Variants in GPATCH2L observed in about 807,000 individuals in gnomAD.
The protein encoded by GPATCH2L is G-patch domain containing 2 like.
In GPATCH2L, 31 loss-of-function variants were observed where a neutral mutation model predicts 57.4. The observed-to-expected ratio is 0.54, with a 90% CI of 0.41 to 0.73. The LOEUF (loss-of-function observed/expected upper bound fraction) is 0.73. Ranked by LOEUF, GPATCH2L falls within the 30% of genes least tolerant of loss-of-function variation. GPATCH2L has a pLI of 0.00. For missense variants in GPATCH2L, 481 were observed against 599.9 expected, an observed-to-expected ratio of 0.80 and a Z score of 2.07; for synonymous variants, 199 against 210.7, an observed-to-expected ratio of 0.94 and a Z score of 0.48.
At position 76,204,070 on chromosome 14, in the gene GPATCH2L, A is replaced by G. The variant is rs557610915; in HGVS notation, c.*2219A>G. 1 of 152,346 alleles carries G rather than the reference A, an allele frequency of 6.6e-6. No individual in the cohort carries two copies. The highest frequency in any genetic ancestry group is 2.4e-5 in the African/African-American group (1 of 41,582). 9.4% of individuals were successfully genotyped at this position (152,346 alleles called of 1,614,324 possible). ...TCAAACATCTCTACGAAGTCATGCC[A>G]TTTTAAGGAGATGAAAACAGCCACA... On this transcript the variant is annotated 3_prime_UTR_variant, in exon 10 of 10. Coordinates refer to ENST00000261530, the MANE Select transcript of GPATCH2L (RefSeq NM_017926.4).
chr14:76,152,939 C>T (rs1486715082), intron 1 of GPATCH2L: 6 of 315,322 alleles, frequency 1.9e-5, no homozygotes, highest in Non-Finnish European at 3.7e-5. Context: ...TTTTAATCCA[C>T]TTTTTTTTTT....
intron 2 of GPATCH2L, among the ~76,000 whole-genome samples, chr14:76,232,478 T>A (rs1253368416): frequency 6.6e-6 from 1 of 152,182 alleles, no homozygotes; most frequent in African/African-American, 2.4e-5. Context: ...TTTTCTTTTA[T>A]AAATAACTCT....
chr14:76,176,842 T>C (rs1485591365), intron 6 of GPATCH2L, 152 bp downstream of exon 6: 1 of 581,266 alleles, frequency 1.7e-6, no homozygotes, highest in East Asian at 2.8e-5. Flanking sequence ...GGCAACATCC[T>C]AAACCTGTGG....
rs1352302215 is a variant in GPATCH2L at position 76,201,833 on chromosome 14, G to T, written c.1431G>T (p.Lys477Asn). The change falls in exon 10 of 10, where the codon AAG becomes AAT. Residue 477 changes from lysine (K) to asparagine (N), a missense_variant. By Grantham distance (94) the Lys-to-Asn change is moderately conservative. Transcript: ENST00000261530. Reference sequence around the variant, plus strand: ...CATTTTTTAAAATGCCACAAGAAAAGAGCCCTGGATACAGCTAGAGAGCAG... The same window carrying T: ...CATTTTTTAAAATGCCACAAGAAAATAGCCCTGGATACAGCTAGAGAGCAG... ...TATFFKMPQE[K>N]SPGYS is the part of the protein sequence containing the mutation. The T allele has an allele frequency of 1.9e-6, 3 of 1,613,960 alleles. No individual in the cohort carries two copies. Among genetic ancestry groups the T allele is most frequent in the African/African-American group, 2.7e-5 (2 of 75,006 alleles).
intron 9 of GPATCH2L, among the ~76,000 whole-genome samples, chr14:76,197,099 G>T (rs1424211376): frequency 6.6e-6 from 1 of 152,074 alleles, no homozygotes; most frequent in Non-Finnish European, 1.5e-5. Flanking sequence ...GAAAACCAAG[G>T]CTTAAATCAC....
intron 8 of GPATCH2L, among the ~76,000 whole-genome samples, chr14:76,182,223 G>C (rs1345887914): frequency 6.6e-6 from 1 of 152,002 alleles, no homozygotes; most frequent in Non-Finnish European, 1.5e-5. Context: ...CAGGTGTGCT[G>C]GCGGGTGCCT....
At position 76,165,892 on chromosome 14, in the gene GPATCH2L, C is replaced by G. The variant is rs143880545; in HGVS notation, c.663-771C>G. ...GTAGGTGAAAAAAAAATTTTTGACT[C>G]TCTTGGAAGGAAATAATCCCAATCA... On this transcript the variant is annotated intron_variant, in intron 2 of 9. Transcript: ENST00000261530. Among the ~76,000 whole-genome samples the G allele has an allele frequency of 5.9e-3, 893 of 152,212 alleles. 8 individuals are homozygous for G. The highest frequency in any genetic ancestry group is 0.021 in the African/African-American group (861 of 41,516).
At chr14:76,159,679 C>A (rs1044119024) in intron 2 of GPATCH2L, among the ~76,000 whole-genome samples, 6 of 152,152 alleles carry the variant, frequency 3.9e-5, no homozygotes, top group African/African-American at 1.4e-4. Flanking sequence ...GAATGCACTT[C>A]TCTGCCCATG....
At chr14:76,232,802 A>G (rs959178283) in intron 2 of GPATCH2L, among the ~76,000 whole-genome samples, 1 of 152,182 alleles carries the variant, frequency 6.6e-6, no homozygotes, top group Non-Finnish European at 1.5e-5. Context: ...ATGCACATGG[A>G]ATATTGGCAA....
chr14:76,208,519 C>T lies in GPATCH2L; in HGVS notation c.*6668C>T, dbSNP rs1007488840. ...CTCAATCTTAGCAGTTAATCTCAGC[C>T]CTCCCCCACCACATAACAGCCTCGG... is the stretch of plus-strand genomic sequence containing the variant. On this transcript the variant is annotated 3_prime_UTR_variant, in exon 10 of 10. Coordinates refer to ENST00000261530, the MANE Select transcript of GPATCH2L (RefSeq NM_017926.4). 6.6e-6 allele frequency: 1 copy of T among 152,350 alleles called. No individual in the cohort carries two copies. The highest frequency in any genetic ancestry group is 2.4e-5 in the African/African-American group (1 of 41,368). 9.4% of individuals were successfully genotyped at this position (152,350 alleles called of 1,614,324 possible). A position where few individuals can be genotyped will look rare whatever the true frequency, so the allele number is the denominator to read the frequency against.
At chr14:76,159,626 A>G (rs2139573811) in intron 2 of GPATCH2L, among the ~76,000 whole-genome samples, 1 of 152,250 alleles carries the variant, frequency 6.6e-6, no homozygotes, top group East Asian at 1.9e-4. Context: ...GCCGTAAATG[A>G]AGGTGTAGAA....
intron 9 of GPATCH2L, 183 bp downstream of exon 9, chr14:76,196,155 C>T (rs750844959): frequency 1.2e-4 from 83 of 700,888 alleles, no homozygotes; most frequent in Non-Finnish European, 1.8e-4. Flanking sequence ...GAAGTCTGTG[C>T]TTTTTCACTG....
At chr14:76,221,394 TA>T (rs1343701385) in intron 1 of GPATCH2L, among the ~76,000 whole-genome samples, 1 of 152,186 alleles carries the variant, frequency 6.6e-6, no homozygotes, top group Non-Finnish European at 1.5e-5. Flanking sequence ...GGGAATTAGC[TA>T]ATGGGCATGA....
At chr14:76,169,561 A>G (rs190713675) in intron 3 of GPATCH2L, among the ~76,000 whole-genome samples, 2 of 152,320 alleles carry the variant, frequency 1.3e-5, no homozygotes, top group Admixed American at 1.3e-4. Flanking sequence ...GAGCTCCTCT[A>G]TCAGGCATCT....
intron 3 of GPATCH2L, among the ~76,000 whole-genome samples, chr14:76,171,446 G>A (rs1185070980): frequency 6.6e-6 from 1 of 151,922 alleles, no homozygotes; most frequent in Admixed American, 6.6e-5. Context: ...GCATGGTGGC[G>A]GGCGCTTGTA....
chr14:76,152,646 G>C (rs1297243636), intron 1 of GPATCH2L: 1 of 456,062 alleles, frequency 2.2e-6, no homozygotes, highest in East Asian at 6.9e-5. Context: ...GGAGTTCTAG[G>C]GTTCTTTTGT....
rs376015547 is a variant in GPATCH2L at position 76,212,734 on chromosome 14, G to A, written c.*10883G>A. 8.6e-5 allele frequency: 13 copies of A among 151,836 alleles called. No individual in the cohort carries two copies. The highest frequency in any genetic ancestry group is 7.7e-4 in the East Asian group (4 of 5,186). 9.4% of individuals were successfully genotyped at this position (151,836 alleles called of 1,614,324 possible). A position where few individuals can be genotyped will look rare whatever the true frequency, so the allele number is the denominator to read the frequency against. On this transcript the variant is annotated 3_prime_UTR_variant, in exon 10 of 10. Transcript: ENST00000261530. ...TCCCCATTTGACTGTGTATTAGAGC[G>A]TACAGAAAACATAAGTTTCAGAACG...
chr14:76,228,531 G>A (rs2040546318), intron 1 of GPATCH2L, among the ~76,000 whole-genome samples: 1 of 152,216 alleles, frequency 6.6e-6, no homozygotes, highest in Non-Finnish European at 1.5e-5. Flanking sequence ...TCTGTGGGTT[G>A]CATCTGTAAT....
intron 2 of GPATCH2L, among the ~76,000 whole-genome samples, chr14:76,231,622 TACACAC>T (rs60488808): frequency 6.1e-5 from 9 of 147,362 alleles, no homozygotes; most frequent in Admixed American, 2.7e-4. Flanking sequence ...ACTAAACACA[TACACAC>T]ACACACACAC....
Sources: allele counts gnomAD v4.1 joint callset (sites outside exome capture counted in the v4.1 genomes callset), GRCh38; gene constraint gnomAD v4.1.1; transcripts MANE v1.5; gene names NCBI Gene and HGNC (gene_info 2026-07-23, HGNC 2026-07-21).